Variants in HMOX2 observed in about 807,000 individuals in gnomAD.
HMOX2 encodes heme oxygenase (decycling) 2.
HMOX2 carries 30 observed loss-of-function variants against 33.7 expected under a neutral mutation model. The ratio of observed to expected loss-of-function variants is 0.89; its 90% confidence interval spans 0.67 to 1.21. The LOEUF is 1.21. HMOX2 is among the 50% of genes most tolerant of loss of function. HMOX2 has a pLI of 0.00. For missense variants in HMOX2, 403 were observed against 399.1 expected (o/e 1.01, Z -0.08); for synonymous variants, 155 against 155.0 (o/e 1.00, Z 0.00).
In HMOX2 at chr16:4,505,647, G is replaced by GC. The variant is rs778784215; in HGVS notation, c.86+40dup. The GC allele has an allele frequency of 4.3e-6, 6 of 1,406,648 alleles. No individual in the cohort carries two copies. In the South Asian group the frequency reaches 7.3e-5, roughly 17 times the overall value. The allele number at this position is 1,406,648 out of a possible 1,614,324, so 87.1% of individuals were successfully genotyped here. On this transcript the variant is annotated intron_variant, in intron 2 of 5. Coordinates refer to ENST00000570646, the MANE Select transcript of HMOX2 (RefSeq NM_002134.4). ...GGGCTGGCTGCACTGAATCAGGTGG[G>GC]CCCAGCACCTGTCGTGCTCAGCACA... is the stretch of plus-strand genomic sequence containing the variant.
intron 2 of HMOX2, 136 bp downstream of exon 2, chr16:4,505,746 G>A: frequency 1.7e-6 from 1 of 603,684 alleles, no homozygotes; most frequent in Non-Finnish European, 3.0e-6. Flanking sequence ...TGCCTGCTTG[G>A]CCCTGCAGGG....
chr16:4,490,853 G>A (rs1460874094), intron 1 of HMOX2, among the ~76,000 whole-genome samples: 3 of 152,180 alleles, frequency 2.0e-5, no homozygotes, highest in Admixed American at 6.5e-5. Flanking sequence ...TTTGTGGTCC[G>A]GCAGGGTTTC....
chr16:4,478,093 T>G (rs1567375996), intron 1 of HMOX2, among the ~76,000 whole-genome samples: 2 of 152,152 alleles, frequency 1.3e-5, no homozygotes, highest in African/African-American at 4.8e-5. Flanking sequence ...ACACACTCAT[T>G]GAATGACCTC....
chr16:4,509,328 A>G, intron 4 of HMOX2, 84 bp from the exon 5 acceptor site: 92 of 1,413,322 alleles, frequency 6.5e-5, no homozygotes, highest in Middle Eastern at 2.1e-4. Flanking sequence ...TGGGCAACAG[A>G]GACCTCATCT....
chr16:4,492,530 G>A (rs1019152823), intron 1 of HMOX2, among the ~76,000 whole-genome samples: 1 of 151,562 alleles, frequency 6.6e-6, no homozygotes, highest in East Asian at 1.9e-4. Context: ...CCATCCTGGC[G>A]AACATGCTGA....
At position 4,486,458 on chromosome 16, in the gene HMOX2, G is replaced by A. The variant is rs1182467261; in HGVS notation, c.-42+9971G>A. 2.6e-5 allele frequency among the ~76,000 whole-genome samples: 4 copies of A among 152,236 alleles called. No homozygotes were observed. In the East Asian group the frequency reaches 7.7e-4, roughly 29 times the overall value. ...GGTCTGTCAAGGACAGCTGATTAGA[G>A]TATGTCTGTCCCTAATACAGGGTTA... On this transcript the variant is annotated intron_variant, in intron 1 of 5. Transcript: ENST00000570646.
chr16:4,480,717 A>AC lies in HMOX2; in HGVS notation c.-42+4232dup, dbSNP rs769852993. Among the ~76,000 whole-genome samples the AC allele has an allele frequency of 2.1e-4, 30 of 142,976 alleles. 1 individual carries two copies. The highest frequency in any genetic ancestry group is 6.5e-4 in the Admixed American group (9 of 13,944). 93.8% of individuals were successfully genotyped at this position (142,976 alleles called of 152,430 possible). On this transcript the variant is annotated intron_variant, in intron 1 of 5. Coordinates refer to ENST00000570646, the MANE Select transcript of HMOX2 (RefSeq NM_002134.4). The stretch of plus-strand genomic sequence containing the variant: ...ACCCAGGCTGGAGTGCAGTGGTGTG[A>AC]CCTTGGTTCACTGCAACTTCCACCT...
chr16:4,490,446 T>C (rs1214191831), intron 1 of HMOX2, among the ~76,000 whole-genome samples: 1 of 152,218 alleles, frequency 6.6e-6, no homozygotes, highest in Non-Finnish European at 1.5e-5. Context: ...GATTCTTAGC[T>C]TTCTTAGCAG....
chr16:4,482,557 C>T (rs780671820), intron 1 of HMOX2, among the ~76,000 whole-genome samples: 2 of 152,136 alleles, frequency 1.3e-5, no homozygotes, highest in Non-Finnish European at 2.9e-5. Context: ...ACAAAACTGT[C>T]CCAACTTGAG....
chr16:4,497,505 CA>C (rs1486175305), intron 1 of HMOX2, among the ~76,000 whole-genome samples: 3 of 152,324 alleles, frequency 2.0e-5, no homozygotes, highest in South Asian at 2.1e-4. Context: ...AATCAGGGAA[CA>C]GGGGCGAGTC....
chr16:4,500,885 G>A (rs1249069099), intron 1 of HMOX2, among the ~76,000 whole-genome samples: 5 of 152,198 alleles, frequency 3.3e-5, no homozygotes, highest in African/African-American at 1.2e-4. Flanking sequence ...GTTAGCTCAG[G>A]TGTTGGAATG....
intron 1 of HMOX2, among the ~76,000 whole-genome samples, chr16:4,489,785 G>C (rs973136689): frequency 1.3e-5 from 2 of 151,882 alleles, no homozygotes; most frequent in African/African-American, 4.8e-5. Flanking sequence ...ATAATTTTTG[G>C]GGGGAGGTAG....
intron 1 of HMOX2, among the ~76,000 whole-genome samples, chr16:4,485,824 A>G (rs2058153611): frequency 6.6e-6 from 1 of 152,126 alleles, no homozygotes; most frequent in Admixed American, 6.5e-5. Context: ...TCCCGGGTTC[A>G]AACAATTCTC....
rs765730474 is a variant in HMOX2, at chr16:4,505,624, G to A, written c.86+14G>A. 8 of 1,559,588 alleles carry A rather than the reference G, an allele frequency of 5.1e-6. No individual in the cohort carries two copies. The highest frequency in any genetic ancestry group is 4.7e-5 in the East Asian group (2 of 42,598). ...GAACCAAATGAGGTGAGCGATGGGG[G>A]CTGGCTGCACTGAATCAGGTGGGCC... On this transcript the variant is annotated intron_variant, in intron 2 of 5. Coordinates refer to ENST00000570646, the MANE Select transcript of HMOX2 (RefSeq NM_002134.4).
intron 1 of HMOX2, among the ~76,000 whole-genome samples, chr16:4,504,585 C>A (rs1476738459): frequency 6.6e-6 from 1 of 151,568 alleles, no homozygotes; most frequent in East Asian, 1.9e-4. Flanking sequence ...GTCTTAAACT[C>A]CTAACCTCAG....
chr16:4,477,571 C>G (rs1034727474), intron 1 of HMOX2, among the ~76,000 whole-genome samples: 2 of 150,424 alleles, frequency 1.3e-5, no homozygotes, highest in Non-Finnish European at 2.9e-5. Context: ...TCCATCCTTA[C>G]GTACTGTGTT....
chr16:4,482,355 A>T (rs567205990), intron 1 of HMOX2, among the ~76,000 whole-genome samples: 1 of 152,160 alleles, frequency 6.6e-6, no homozygotes, highest in Admixed American at 6.6e-5. Context: ...AAAAAAACCC[A>T]AAGTCTTTTT....
chr16:4,507,833 C>T lies in HMOX2; in HGVS notation c.325C>T (p.Leu109=), dbSNP rs140129622. 3.1e-4 allele frequency: 502 copies of T among 1,614,242 alleles called. 4 individuals are homozygous for T. The African/African-American group carries it at 5.9e-3, about 19-fold the overall frequency. The change falls in exon 4 of 6, where the codon CTG becomes TTG. Residue 109 remains leucine (L), a synonymous_variant. Coordinates refer to ENST00000570646, the MANE Select transcript of HMOX2 (RefSeq NM_002134.4). ...CATGGAGCTGCACCGGAAGGAGGCG[C>T]TGACCAAGGACATGGAGTATTTCTT... The part of the protein sequence containing the change: ...FPMELHRKEA[L]TKDMEYFFGE...
chr16:4,497,133 A>G (rs1441718045), intron 1 of HMOX2, among the ~76,000 whole-genome samples: 1 of 152,088 alleles, frequency 6.6e-6, no homozygotes, highest in East Asian at 1.9e-4. Flanking sequence ...TCCACCCCCA[A>G]ATGCTATTCA....
Sources: gnomAD v4.1 joint callset for allele counts (sites outside exome capture counted in the v4.1 genomes callset) on GRCh38, gnomAD v4.1.1 for gene constraint, MANE v1.5 for transcripts, NCBI Gene and HGNC (gene_info 2026-07-23, HGNC 2026-07-21) for gene names.